The following RGL1 variants were observed in gnomAD, a reference collection of about 807,000 sequenced individuals.
The protein encoded by RGL1 is ral guanine nucleotide dissociation stimulator like 1.
In RGL1, 24 loss-of-function variants were observed where a neutral mutation model predicts 95.2. That is an observed-to-expected ratio of 0.25 (90% confidence interval 0.18 to 0.35). RGL1 has a LOEUF of 0.35. Among genes scored for constraint, RGL1 ranks in the 10% least tolerant of loss-of-function variants. The pLI, the probability that RGL1 is intolerant of heterozygous loss-of-function variation, is 1.00. For missense variants in RGL1, 715 were observed against 936.3 expected (o/e 0.76, Z 3.08); for synonymous variants, 329 against 344.9 (o/e 0.95, Z 0.51).
chr1:183,767,205 G>A (rs1162053034), intron 2 of RGL1, among the ~76,000 whole-genome samples: 17 of 147,630 alleles, frequency 1.2e-4, no homozygotes, highest in African/African-American at 2.5e-5. Context: ...ATTCAGCCTG[G>A]GCAGCAGAGC....
rs1467614783 is a variant in RGL1, at chr1:183,921,941, C to T, written c.2005-281C>T. ...ATATATTCTTTCACGGGAACTTCAA[C>T]CACTGTGGAGGAGATAGGCAAGGAA... On this transcript the variant is annotated intron_variant, in intron 16 of 17. Coordinates refer to ENST00000360851, the MANE Select transcript of RGL1 (RefSeq NM_001297671.3). Among the ~76,000 whole-genome samples the T allele has an allele frequency of 2.6e-5, 4 of 152,190 alleles. No individual in the cohort carries two copies. In the East Asian group the frequency reaches 7.7e-4, roughly 29 times the overall value.
rs1246768165 is a variant in RGL1 at position 183,847,581 on chromosome 1, C to A, written c.154C>A (p.Leu52Met). The A allele has an allele frequency of 1.2e-6, 2 of 1,613,984 alleles. No individual in the cohort carries two copies. The highest frequency in any genetic ancestry group is 1.7e-6 in the Non-Finnish European group (2 of 1,179,882). The change falls in exon 3 of 18, where the codon CTG (leucine) becomes ATG (methionine). Residue 52 changes from leucine to methionine, a missense_variant. Transcript: ENST00000360851. ...TATTATACAGGTTGAAGGGGACCAG[C>A]TGCCTCCAGGACACACAGTCAGTCA... is the stretch of plus-strand genomic sequence containing the variant. ...ARWLGVEGDQ[L>M]PPGHTVSQYE... is the part of the protein sequence containing the mutation.
rs563253388 is a variant in RGL1, at chr1:183,832,493, T to C, written c.139-15073T>C. Among the ~76,000 whole-genome samples the C allele has an allele frequency of 1.1e-4, 16 of 152,308 alleles. No individual in the cohort carries two copies. The East Asian group carries it at 3.1e-3, about 29-fold the overall frequency. ...TTAGGTGAAACTCTAAGGATATATG[T>C]GTGGGATGACCAGAAAGAGTATAGA... is the stretch of plus-strand genomic sequence containing the variant. On this transcript the variant is annotated intron_variant, in intron 2 of 17. Coordinates refer to ENST00000360851, the MANE Select transcript of RGL1 (RefSeq NM_001297671.3).
chr1:183,696,040 C>A (rs1016664826), intron 1 of RGL1, among the ~76,000 whole-genome samples: 1 of 152,162 alleles, frequency 6.6e-6, no homozygotes, highest in African/African-American at 2.4e-5. Flanking sequence ...TCTAACTATA[C>A]CTGAAAATAT....
At chr1:183,912,906 A>C (rs1027969710) in intron 15 of RGL1, among the ~76,000 whole-genome samples, 1 of 152,218 alleles carries the variant, frequency 6.6e-6, no homozygotes, top group Non-Finnish European at 1.5e-5. Context: ...CTATTGGCTA[A>C]AGTAATCATG....
intron 2 of RGL1, among the ~76,000 whole-genome samples, chr1:183,814,538 G>GGGGGAGTT: frequency 6.6e-6 from 1 of 152,114 alleles, no homozygotes; most frequent in South Asian, 2.1e-4. Flanking sequence ...CTAATCCTAT[G>GGGGGAGTT]TAAACTCCCC....
At chr1:183,854,846 TTTATAGAGTTA>T (rs1253644164) in intron 3 of RGL1, among the ~76,000 whole-genome samples, 4 of 152,204 alleles carry the variant, frequency 2.6e-5, no homozygotes, top group African/African-American at 9.6e-5. Context: ...TAGCACCTAA[TTTATAGAGTTA>T]TTATAAAGTT....
intron 1 of RGL1, among the ~76,000 whole-genome samples, chr1:183,738,313 C>T (rs956368436): frequency 2.0e-5 from 3 of 151,718 alleles, no homozygotes; most frequent in African/African-American, 7.3e-5. Context: ...CCCAGCTACT[C>T]GGGAGGCTGA....
chr1:183,804,424 G>A (rs1182571224), upstream of RGL1, among the ~76,000 whole-genome samples: 1 of 152,200 alleles, frequency 6.6e-6, no homozygotes, highest in African/African-American at 2.4e-5. Context: ...CCTGCTGGTA[G>A]TCATCTGATG....
chr1:183,894,136 A>T (rs908423044), intron 9 of RGL1, among the ~76,000 whole-genome samples: 5 of 152,156 alleles, frequency 3.3e-5, no homozygotes, highest in African/African-American at 1.2e-4. Context: ...CTGGAAGGAG[A>T]TGGCTTAGTG....
At chr1:183,808,513 T>C (rs1661490657) in intron 2 of RGL1, among the ~76,000 whole-genome samples, 1 of 151,496 alleles carries the variant, frequency 6.6e-6, no homozygotes, top group African/African-American at 2.5e-5. Context: ...GAAGTTCTGT[T>C]TTTGTCCTTG....
At chr1:183,730,878 A>G (rs1430466667) in intron 1 of RGL1, among the ~76,000 whole-genome samples, 1 of 152,184 alleles carries the variant, frequency 6.6e-6, no homozygotes, top group Non-Finnish European at 1.5e-5. Flanking sequence ...TCATGATATT[A>G]TGCTTTCAAA....
chr1:183,821,973 A>G lies in RGL1; in HGVS notation c.138+15488A>G, dbSNP rs1311722014. On this transcript the variant is annotated intron_variant, in intron 2 of 17. Coordinates refer to ENST00000360851, the MANE Select transcript of RGL1 (RefSeq NM_001297671.3). The stretch of plus-strand genomic sequence containing the variant: ...AGAGACTGTATTCTAATCTAGAAGC[A>G]TGTCTGTCTTCTTCCTGCCTGACAG... Among the ~76,000 whole-genome samples, 7 of 152,312 alleles carry G rather than the reference A, an allele frequency of 4.6e-5. No homozygotes were observed. In the East Asian group the frequency reaches 1.2e-3, roughly 25 times the overall value.
At position 183,733,486 on chromosome 1, in the gene RGL1, C is replaced by T. The variant is rs77685878; in HGVS notation, c.-32-8640C>T. The stretch of plus-strand genomic sequence containing the variant: ...TCATCTGGGTTATTGAGTCTTTGAT[C>T]CCACATGGGAAAGGTTTGCCATGTT... On this transcript the variant is annotated intron_variant, in intron 1 of 18. Coordinates refer to the RGL1 transcript ENST00000304685. 1.9e-3 allele frequency among the ~76,000 whole-genome samples: 296 copies of T among 152,214 alleles called. 14 individuals are homozygous for T. In the East Asian group the frequency reaches 0.048, roughly 25 times the overall value.
At position 183,647,326 on chromosome 1, in the gene RGL1, T is replaced by G. The variant is rs527360202; in HGVS notation, c.-33+10825T>G. 37 of 165,266 alleles carry G rather than the reference T, an allele frequency of 2.2e-4. 1 individual carries two copies. The South Asian group carries it at 4.0e-3, about 18-fold the overall frequency. The allele number at this position is 165,266 out of a possible 1,614,324, so 10.2% of individuals were successfully genotyped here. A position where few individuals can be genotyped will look rare whatever the true frequency, so the allele number is the denominator to read the frequency against. ...AGTAAATTTTTTACCGAAACAAATT[T>G]AGGTAGCTATTTTGTCCATGGGCTT... On this transcript the variant is annotated intron_variant, in intron 1 of 18. Transcript: ENST00000304685.
chr1:183,873,390 A>G (rs1417917797), intron 4 of RGL1, among the ~76,000 whole-genome samples: 1 of 152,186 alleles, frequency 6.6e-6, no homozygotes, highest in Non-Finnish European at 1.5e-5. Flanking sequence ...TTCAACCATC[A>G]CAAATATGCT....
rs149409134 is a variant in RGL1, at chr1:183,778,604, G to C, written c.133-27771G>C. On this transcript the variant is annotated intron_variant, in intron 2 of 18. Coordinates refer to the RGL1 transcript ENST00000304685. ...GTGGGGAGGCTTGATAGCCCATGGA[G>C]AACTGGGAGGGTTCTTTAAAGAAGT... is the stretch of plus-strand genomic sequence containing the variant. Among the ~76,000 whole-genome samples, 557 of 152,264 alleles carry C rather than the reference G, an allele frequency of 3.7e-3. 2 individuals carry two copies. The highest frequency in any genetic ancestry group is 0.011 in the South Asian group (55 of 4,816).
At chr1:183,707,327 C>G (rs753220289) in intron 1 of RGL1, among the ~76,000 whole-genome samples, 1 of 152,162 alleles carries the variant, frequency 6.6e-6, no homozygotes, top group Non-Finnish European at 1.5e-5. Context: ...GGTACTGAAA[C>G]TCTCTAATAT....
At chr1:183,764,723 T>C (rs947976003) in intron 2 of RGL1, among the ~76,000 whole-genome samples, 2 of 152,082 alleles carry the variant, frequency 1.3e-5, no homozygotes, top group Non-Finnish European at 2.9e-5. Context: ...ATACCATGGG[T>C]AACCACGTGG....
Sources: gnomAD v4.1 joint callset for allele counts (sites outside exome capture counted in the v4.1 genomes callset) on GRCh38, gnomAD v4.1.1 for gene constraint, MANE v1.5 for transcripts, NCBI Gene and HGNC (gene_info 2026-07-23, HGNC 2026-07-21) for gene names.